The following PTPRN2 variants were observed in gnomAD, a reference collection of about 807,000 sequenced individuals.
PTPRN2 encodes receptor-type tyrosine-protein phosphatase N2.
In PTPRN2, 74 loss-of-function variants were observed where a neutral mutation model predicts 118.8. The observed-to-expected ratio is 0.62, with a 90% CI of 0.52 to 0.76. PTPRN2 has a LOEUF of 0.76. Among genes scored for constraint, PTPRN2 ranks in the 30% least tolerant of loss-of-function variants. The probability of loss-of-function intolerance (pLI) is 0.00; values close to 1 mark genes in which losing one functional copy is unlikely to be tolerated. For synonymous variants in PTPRN2, 641 were observed against 608.0 expected, an observed-to-expected ratio of 1.05 and a Z score of -0.80; for missense variants, 1,481 against 1,394.4, an observed-to-expected ratio of 1.06 and a Z score of -0.99.
In PTPRN2 at chr7:157,550,624, G is replaced by T. The variant is rs1312943923; in HGVS notation, c.2903-1605C>A. Among the ~76,000 whole-genome samples the T allele has an allele frequency of 6.6e-6, 1 of 152,206 alleles. No individual in the cohort carries two copies. Among genetic ancestry groups the T allele is most frequent in the Admixed American group, 6.5e-5 (1 of 15,290 alleles). On this transcript the variant is annotated intron_variant, in intron 21 of 22. Transcript: ENST00000389418. The surrounding 1 kb of genome is among the most constrained non-coding windows in gnomAD (Gnocchi z 5.2). ...CTCGTGGTGATGGGAGCCACTGTCG[G>T]GGCTAAGCTGGCCGTCCCTCCAGCT... is the stretch of plus-strand genomic sequence containing the variant.
At chr7:158,442,122 T>TGGTGGG (rs1817379422) in intron 2 of PTPRN2, among the ~76,000 whole-genome samples, 1 of 145,292 alleles carries the variant, frequency 6.9e-6, no homozygotes. Flanking sequence ...GTGGTGGTGG[T>TGGTGGG]GATAGTGATG....
chr7:158,000,099 C>T (rs779552964), intron 11 of PTPRN2, among the ~76,000 whole-genome samples: 7 of 152,128 alleles, frequency 4.6e-5, no homozygotes, highest in African/African-American at 9.7e-5. Flanking sequence ...GTTGGCCAGG[C>T]TGGTCTTGAA....
intron 11 of PTPRN2, among the ~76,000 whole-genome samples, chr7:157,950,813 C>G (rs927344216): frequency 1.3e-5 from 2 of 152,206 alleles, no homozygotes; most frequent in African/African-American, 4.8e-5. Context: ...GCATGAAGTA[C>G]TGTGTACTGA....
At chr7:158,082,150 C>T (rs920982067) in intron 10 of PTPRN2, among the ~76,000 whole-genome samples, 3 of 152,190 alleles carry the variant, frequency 2.0e-5, no homozygotes, top group South Asian at 2.1e-4. Context: ...ACAGGAAATG[C>T]GAAGAGGACC....
intron 19 of PTPRN2, among the ~76,000 whole-genome samples, chr7:157,572,689 AC>A (rs10712899): frequency 0.46 from 69,425 of 152,124 alleles, 16,014 homozygotes; most frequent in Middle Eastern, 0.51. Flanking sequence ...TCTGGAGGGC[AC>A]CACGGGAGCT....
intron 14 of PTPRN2, among the ~76,000 whole-genome samples, chr7:157,634,535 C>G (rs1804182449): frequency 6.6e-6 from 1 of 152,202 alleles, no homozygotes. Flanking sequence ...GAGGCAACTC[C>G]TGAAACACAG....
chr7:158,171,119 C>CATATATATACACATATATACACACAT (rs201455022), intron 5 of PTPRN2, among the ~76,000 whole-genome samples: 1 of 120,358 alleles, frequency 8.3e-6, no homozygotes, highest in Non-Finnish European at 1.7e-5. Flanking sequence ...TATATACACA[C>CATATATATACACATATATACACACAT]ATATATACAC....
At chr7:158,212,016 G>A (rs926126472) in intron 3 of PTPRN2, among the ~76,000 whole-genome samples, 1 of 152,172 alleles carries the variant, frequency 6.6e-6, no homozygotes, top group African/African-American at 2.4e-5. Flanking sequence ...CCTCTACACA[G>A]TGGAGTACTA....
At chr7:158,347,080 T>C (rs1407189328) in intron 2 of PTPRN2, among the ~76,000 whole-genome samples, 1 of 152,216 alleles carries the variant, frequency 6.6e-6, no homozygotes, top group African/African-American at 2.4e-5. Context: ...ACTGTTTTGT[T>C]TGCTGTGTAG....
intron 2 of PTPRN2, among the ~76,000 whole-genome samples, chr7:158,471,967 C>CTTCCGGCCCCGCCACGG (rs1370495809): frequency 3.9e-4 from 59 of 152,102 alleles, no homozygotes; most frequent in Middle Eastern, 3.4e-3. Context: ...TCCAATCATG[C>CTTCCGGCCCCGCCACGG]TTCCGGCCCC....
chr7:157,597,045 G>C (rs988247127), intron 16 of PTPRN2, among the ~76,000 whole-genome samples: 4 of 152,164 alleles, frequency 2.6e-5, no homozygotes, highest in African/African-American at 9.7e-5. Context: ...GCCGTCACCA[G>C]CCCCAGAGAT....
At chr7:158,388,342 C>T (rs115521073) in intron 2 of PTPRN2, among the ~76,000 whole-genome samples, 3,169 of 152,306 alleles carry the variant, frequency 0.021, 96 homozygotes, top group African/African-American at 0.071. Context: ...AGGGCCAGTG[C>T]AGATGGACAG....
intron 11 of PTPRN2, among the ~76,000 whole-genome samples, chr7:157,968,976 G>A (rs541316464): frequency 3.3e-5 from 5 of 152,314 alleles, no homozygotes; most frequent in African/African-American, 9.6e-5. Flanking sequence ...AGACCTCCTT[G>A]TCCAGGTAGC....
intron 2 of PTPRN2, among the ~76,000 whole-genome samples, chr7:158,446,403 G>T (rs1027367107): frequency 5.3e-5 from 8 of 151,822 alleles, no homozygotes; most frequent in Non-Finnish European, 1.0e-4. Flanking sequence ...GCCCACTCAC[G>T]ATGGAGTCTG....
At chr7:157,586,935 C>T (rs770860265) in intron 17 of PTPRN2, among the ~76,000 whole-genome samples, 22 of 152,204 alleles carry the variant, frequency 1.4e-4, no homozygotes, top group East Asian at 7.7e-4. Flanking sequence ...TCCCCTCCAC[C>T]GGGGCCAGGC....
At chr7:157,822,686 A>G (rs928366391) in intron 12 of PTPRN2, among the ~76,000 whole-genome samples, 7 of 151,554 alleles carry the variant, frequency 4.6e-5, no homozygotes, top group Non-Finnish European at 7.4e-5. Flanking sequence ...CACACTATCC[A>G]TTATCTATCC....
chr7:158,164,747 T>C (rs1314911311), intron 6 of PTPRN2, among the ~76,000 whole-genome samples: 1 of 151,968 alleles, frequency 6.6e-6, no homozygotes, highest in South Asian at 2.1e-4. Context: ...AAAGGGAGGT[T>C]AGAGAAGGAA....
chr7:158,089,838 C>A (rs1307422817), intron 10 of PTPRN2, among the ~76,000 whole-genome samples: 85 of 122,606 alleles, frequency 6.9e-4, no homozygotes, highest in Admixed American at 2.1e-3. Context: ...TCCTTCCTCC[C>A]CTGATGAAAG....
chr7:158,284,709 C>A (rs1384566715), intron 3 of PTPRN2, among the ~76,000 whole-genome samples: 2 of 152,212 alleles, frequency 1.3e-5, no homozygotes, highest in Non-Finnish European at 2.9e-5. Flanking sequence ...TCTACCCACA[C>A]CTCCCGCAGG....
Sources: allele counts gnomAD v4.1 joint callset (sites outside exome capture counted in the v4.1 genomes callset), GRCh38; gene constraint gnomAD v4.1.1; non-coding constraint Gnocchi (gnomAD v3.1); transcripts MANE v1.5; gene names NCBI Gene and HGNC (gene_info 2026-07-23, HGNC 2026-07-21).